DPH1: variants seen among roughly 807,000 people sequenced by gnomAD.
DPH1 encodes the protein diphthamide biosynthesis 1, also known as 2-(3-amino-3-carboxypropyl)histidine synthase subunit 1.
Under a neutral mutation model 55.3 loss-of-function variants are expected in DPH1, and 59 were observed. The ratio of observed to expected loss-of-function variants is 1.07; its 90% CI spans 0.87 to 1.33. The LOEUF is 1.33. Among genes scored for constraint, DPH1 ranks in the 40% most tolerant of loss-of-function variants. The pLI is 0.00. For missense variants in DPH1, 628 were observed against 584.8 expected (o/e 1.07, Z -0.76); for synonymous variants, 238 against 235.5 (o/e 1.01, Z -0.10).
rs544431372 is a variant in DPH1 at position 2,042,512 on chromosome 17, C to T, written c.*19-93C>T. On this transcript the variant is annotated intron_variant, in intron 12 of 12. Coordinates refer to ENST00000263083, the MANE Select transcript of DPH1 (RefSeq NM_001383.6). ...TTTTGCCTCGATTCCCTTTTTCTCT[C>T]TGTCATCTCGAACCCTCCTGCCCTT... 1.3e-5 allele frequency: 19 copies of T among 1,454,164 alleles called. No homozygotes were observed. In the Admixed American group the frequency reaches 2.1e-4, roughly 16 times the overall value. 90.1% of individuals were successfully genotyped at this position (1,454,164 alleles called of 1,614,324 possible).
At position 2,042,801 on chromosome 17, in the gene DPH1, T is replaced by C; in HGVS notation, c.*215T>C. On this transcript the variant is annotated 3_prime_UTR_variant, in exon 13 of 13. Transcript: ENST00000263083. The stretch of plus-strand genomic sequence containing the variant: ...GCCAAGGGGCTGCGCTAGCAGCCCT[T>C]GTGTGTGCCCTGGGCCAGGCAGGCG... The C allele has an allele frequency of 6.2e-7, 1 of 1,613,938 alleles. No homozygotes were observed. Among genetic ancestry groups the C allele is most frequent in the Non-Finnish European group, 8.5e-7 (1 of 1,179,990 alleles).
Position 2,041,751 on chromosome 17 carries a change from A to G in DPH1, c.1228-17A>G. 1 of 1,598,738 alleles carries G rather than the reference A, an allele frequency of 6.3e-7. No individual in the cohort carries two copies. Among genetic ancestry groups the G allele is most frequent in the Non-Finnish European group, 8.5e-7 (1 of 1,173,204 alleles). ...GGGTCGCAGGAGCGAGACCCTAACCAAAGTCTGCGACCTCAGGTGCAGGAG... is the reference window on the plus strand; with the variant it reads ...GGGTCGCAGGAGCGAGACCCTAACCGAAGTCTGCGACCTCAGGTGCAGGAG... On this transcript the variant is annotated splice_polypyrimidine_tract_variant and intron_variant, in intron 11 of 12. Coordinates refer to ENST00000263083, the MANE Select transcript of DPH1 (RefSeq NM_001383.6).
At position 2,041,654 on chromosome 17, in the gene DPH1, C is replaced by G. The variant is rs117243219; in HGVS notation, c.1227+33C>G. The G allele has an allele frequency of 9.5e-3, 15,036 of 1,589,052 alleles. 113 individuals are homozygous for G. The highest frequency in any genetic ancestry group is 0.011 in the Non-Finnish European group (12,728 of 1,168,910). On this transcript the variant is annotated intron_variant, in intron 11 of 12. Transcript: ENST00000263083. ...GGGGCTTCCAGGAGGGAGGAGAGAC[C>G]GCGCCTGGGCACTGGCCGCCGCCCT...
chr17:2,033,114 T>C (rs899093463), intron 1 of DPH1, among the ~76,000 whole-genome samples: 2 of 152,168 alleles, frequency 1.3e-5, no homozygotes, highest in African/African-American at 4.8e-5. Flanking sequence ...TTCTTACCTA[T>C]TTTCTGGCTT....
Position 2,042,189 on chromosome 17 carries a change from G to C in DPH1, c.*18+314G>C, listed in dbSNP as rs754623230. The C allele has an allele frequency of 4.9e-6, 7 of 1,435,258 alleles. No homozygotes were observed. The East Asian group carries it at 8.3e-5, about 17-fold the overall frequency. 88.9% of individuals were successfully genotyped at this position (1,435,258 alleles called of 1,614,324 possible). On this transcript the variant is annotated intron_variant, in intron 12 of 12. Coordinates refer to ENST00000263083, the MANE Select transcript of DPH1 (RefSeq NM_001383.6). ...CGTGTGCCTCAGCGGCCCGCACCCG[G>C]TCCCCGACCCCCCGGGCCCCGAGGG...
At position 2,034,619 on chromosome 17, in the gene DPH1, C is replaced by T. The variant is rs1382434722; in HGVS notation, c.278+777C>T. ...TCTTCTCCCCCCTTCCCCTCCCCTG[C>T]TCCCCCTCTCTCCCCTCCCCTTCCC... On this transcript the variant is annotated intron_variant, in intron 3 of 12. Transcript: ENST00000263083. Among the ~76,000 whole-genome samples, 4 of 44,204 alleles carry T rather than the reference C, an allele frequency of 9.0e-5. No homozygotes were observed. The East Asian group carries it at 2.3e-3, about 25-fold the overall frequency. 29.0% of individuals were successfully genotyped at this position (44,204 alleles called of 152,430 possible).
chr17:2,038,773 C>T (rs2067464925), intron 6 of DPH1, among the ~76,000 whole-genome samples: 1 of 152,190 alleles, frequency 6.6e-6, no homozygotes, highest in African/African-American at 2.4e-5. Flanking sequence ...ACACTACTGT[C>T]CACATCTGTA....
chr17:2,042,421 C>T, intron 12 of DPH1, 184 bp from the exon 13 acceptor site: 11 of 1,241,424 alleles, frequency 8.9e-6, no homozygotes, highest in Non-Finnish European at 1.1e-5. Flanking sequence ...CCGCCTTCAC[C>T]GTCTTCCTCC....
chr17:2,033,757 C>T lies in DPH1; in HGVS notation c.215-22C>T, dbSNP rs1567542741. ...AGCCCCTTCCTAGCCCTCCACCTCTCATGTCTCTGCTCGTCTTGCAGTGGC... is the reference window on the plus strand; with the variant it reads ...AGCCCCTTCCTAGCCCTCCACCTCTTATGTCTCTGCTCGTCTTGCAGTGGC... On this transcript the variant is annotated intron_variant, in intron 2 of 12. Transcript: ENST00000263083. 4 of 1,614,052 alleles carry T rather than the reference C, an allele frequency of 2.5e-6. No homozygotes were observed. In the East Asian group the frequency reaches 6.7e-5, roughly 27 times the overall value.
chr17:2,041,721 A>ACGCAGGGT (rs1242499697), intron 11 of DPH1, 47 bp from the exon 12 acceptor site: 7 of 1,583,332 alleles, frequency 4.4e-6, no homozygotes, highest in Non-Finnish European at 5.1e-6. Flanking sequence ...GCGGAGGGAA[A>ACGCAGGGT]CGCAGGGTCG....
Position 2,042,691 on chromosome 17 carries a change from G to A in DPH1, c.*105G>A. The stretch of plus-strand genomic sequence containing the variant: ...TTTCTCCGCATTGGAAGAGCCCGCC[G>A]TCTGCAGGGGCCTGGAGGAATCACT... On this transcript the variant is annotated 3_prime_UTR_variant, in exon 13 of 13. Transcript: ENST00000263083. 1 of 1,531,692 alleles carries A rather than the reference G, an allele frequency of 6.5e-7. No homozygotes were observed. The highest frequency in any genetic ancestry group is 8.7e-7 in the Non-Finnish European group (1 of 1,143,196). The allele number at this position is 1,531,692 out of a possible 1,614,324, so 94.9% of individuals were successfully genotyped here.
At chr17:2,035,941 C>G in intron 3 of DPH1, 29 bp from the exon 4 acceptor site, 1 of 1,613,366 alleles carries the variant, frequency 6.2e-7, no homozygotes, top group Non-Finnish European at 8.5e-7. Context: ...GTGTCCCTGT[C>G]CCACCGTTCC....
chr17:2,036,117 C>T lies in DPH1; in HGVS notation c.400+26C>T, dbSNP rs777578433. On this transcript the variant is annotated intron_variant, in intron 4 of 12. Coordinates refer to ENST00000263083, the MANE Select transcript of DPH1 (RefSeq NM_001383.6). This position sits in a 1 kb window ranked among gnomAD's most constrained non-coding sequence, Gnocchi z 4.8. The stretch of plus-strand genomic sequence containing the variant: ...GTATGGTGGGGCCAGGACACCTGGA[C>T]GGTGGCGGGGCTGGCAGGGAGGCAG... 1.9e-5 allele frequency: 30 copies of T among 1,611,786 alleles called. 1 individual carries two copies. Among genetic ancestry groups the T allele is most frequent in the South Asian group, 4.4e-5 (4 of 90,992 alleles).
At chr17:2,042,008 A>G (rs1427308452) in intron 12 of DPH1, 133 bp downstream of exon 12, 2 of 1,492,886 alleles carry the variant, frequency 1.3e-6, no homozygotes, top group Admixed American at 4.4e-5. Flanking sequence ...GCTCGGGGAA[A>G]GACCGCTTCC....
chr17:2,042,066 CTG>C, intron 12 of DPH1, 191 bp downstream of exon 12: 1 of 1,552,708 alleles, frequency 6.4e-7, no homozygotes. Context: ...GCAGCGACCC[CTG>C]CGGGTCCTGT....
intron 12 of DPH1, 28 bp downstream of exon 12, chr17:2,041,903 C>G: frequency 6.5e-7 from 1 of 1,546,190 alleles, no homozygotes; most frequent in Non-Finnish European, 8.7e-7. Context: ...GGGTGCGCCC[C>G]GCCTTTTGCC....
At chr17:2,041,968 G>C in intron 12 of DPH1, 93 bp downstream of exon 12, 1 of 1,515,286 alleles carries the variant, frequency 6.6e-7, no homozygotes. Context: ...CGGTGCTGAC[G>C]TTCGGTTCCG....
At chr17:2,038,570 G>A (rs1032023736) in intron 6 of DPH1, among the ~76,000 whole-genome samples, 2 of 152,158 alleles carry the variant, frequency 1.3e-5, no homozygotes, top group African/African-American at 4.8e-5. Flanking sequence ...ATTCTTGTAG[G>A]AGCTCAAACC....
At position 2,036,748 on chromosome 17, in the gene DPH1, G is replaced by C; in HGVS notation, c.558+62G>C. 1 of 1,609,026 alleles carries C rather than the reference G, an allele frequency of 6.2e-7. No individual in the cohort carries two copies. Among genetic ancestry groups the C allele is most frequent in the South Asian group, 1.1e-5 (1 of 90,660 alleles). ...GGACAGCGGCCACTCTCCAGCTGTT[G>C]CGGGATCCCCAGGTGCTCCAGGCTG... On this transcript the variant is annotated intron_variant, in intron 5 of 12. Coordinates refer to ENST00000263083, the MANE Select transcript of DPH1 (RefSeq NM_001383.6). The surrounding 1 kb of genome is among the most constrained non-coding windows in gnomAD (Gnocchi z 4.8).
Sources: allele counts gnomAD v4.1 joint callset (sites outside exome capture counted in the v4.1 genomes callset), GRCh38; gene constraint gnomAD v4.1.1; non-coding constraint Gnocchi (gnomAD v3.1); transcripts MANE v1.5; gene names NCBI Gene and HGNC (gene_info 2026-07-23, HGNC 2026-07-21).